IKZF2: variants seen among roughly 807,000 people sequenced by gnomAD.
IKZF2 encodes the protein IKAROS family zinc finger 2.
IKZF2 carries 15 observed loss-of-function variants against 49.2 expected under a neutral mutation model. That is an observed-to-expected ratio of 0.30 (90% CI 0.20 to 0.47). The LOEUF is 0.47. Among genes scored for constraint, IKZF2 ranks in the 20% least tolerant of loss-of-function variants. The probability of loss-of-function intolerance (pLI) is 1.00; values close to 1 mark genes in which losing one functional copy is unlikely to be tolerated. For synonymous variants in IKZF2, 227 were observed against 221.4 expected (o/e 1.03, Z -0.23); for missense variants, 567 against 664.6 (o/e 0.85, Z 1.61).
At chr2:213,077,686 C>G (rs1039525475) in intron 4 of IKZF2, among the ~76,000 whole-genome samples, 6 of 146,060 alleles carry the variant, frequency 4.1e-5, no homozygotes, top group Non-Finnish European at 9.0e-5. Context: ...CTCCCAGGTT[C>G]ACGCCATTCT....
At chr2:213,010,261 C>G (rs1297261238) in intron 8 of IKZF2, among the ~76,000 whole-genome samples, 1 of 152,050 alleles carries the variant, frequency 6.6e-6, no homozygotes, top group African/African-American at 2.4e-5. Flanking sequence ...TAGAAAGCAA[C>G]TTCTGAAGCC....
intron 4 of IKZF2, among the ~76,000 whole-genome samples, chr2:213,079,488 AAAAAG>A (rs1200968571): frequency 2.7e-5 from 4 of 148,996 alleles, no homozygotes; most frequent in Non-Finnish European, 5.9e-5. Context: ...GGAGAGAGAA[AAAAAG>A]AAAGAGAGAG....
chr2:213,010,762 G>A (rs576374505), intron 8 of IKZF2, among the ~76,000 whole-genome samples: 2 of 152,158 alleles, frequency 1.3e-5, no homozygotes, highest in South Asian at 4.1e-4. Flanking sequence ...GGTTCTGCTC[G>A]TGCTGCCAAG....
At chr2:213,098,700 T>G (rs971905695) in intron 4 of IKZF2, among the ~76,000 whole-genome samples, 1 of 152,128 alleles carries the variant, frequency 6.6e-6, no homozygotes, top group African/African-American at 2.4e-5. Context: ...ATCACCGCCT[T>G]AGGTGATGGG....
intron 4 of IKZF2, among the ~76,000 whole-genome samples, chr2:213,068,912 A>AACACACACACACACACACAC (rs3069572): frequency 2.7e-5 from 4 of 147,186 alleles, no homozygotes; most frequent in African/African-American, 5.0e-5. Context: ...GGAGGGAGAA[A>AACACACACACACACACACAC]ACACACACAC....
At chr2:213,019,773 C>G (rs973229032) in intron 7 of IKZF2, among the ~76,000 whole-genome samples, 1 of 152,158 alleles carries the variant, frequency 6.6e-6, no homozygotes, top group Non-Finnish European at 1.5e-5. Flanking sequence ...TCAGCACCAC[C>G]TGTAAAGGGC....
intron 7 of IKZF2, chr2:213,014,596 C>T (rs1011983622): frequency 2.6e-5 from 4 of 152,062 alleles, no homozygotes; most frequent in African/African-American, 4.8e-5. Context: ...TAAATTGGCA[C>T]ATTGGCTCAC....
rs968750289 is a variant in IKZF2 at position 213,001,389 on chromosome 2, G to A, written c.*5971C>T. 2.0e-5 allele frequency: 3 copies of A among 151,748 alleles called. No individual in the cohort carries two copies. Among genetic ancestry groups the A allele is most frequent in the African/African-American group, 7.3e-5 (3 of 41,306 alleles). The allele number at this position is 151,748 out of a possible 1,614,324, so 9.4% of individuals were successfully genotyped here. ...TCTTTCATGATATACATTTTTTGGA[G>A]GAAAGCCAAATCAGAATGTAAAATC... is the stretch of plus-strand genomic sequence containing the variant. On this transcript the variant is annotated 3_prime_UTR_variant, in exon 9 of 9. Coordinates refer to ENST00000434687, the MANE Select transcript of IKZF2 (RefSeq NM_001387220.1).
intron 8 of IKZF2, among the ~76,000 whole-genome samples, 188 bp downstream of exon 8, chr2:213,013,603 G>A (rs1282635526): frequency 1.3e-5 from 2 of 152,020 alleles, no homozygotes; most frequent in East Asian, 3.9e-4. Flanking sequence ...TCTCTCATAT[G>A]TATTTGTGTG....
intron 5 of IKZF2, among the ~76,000 whole-genome samples, chr2:213,051,236 T>C (rs552622044): frequency 7.9e-5 from 12 of 152,166 alleles, no homozygotes; most frequent in Non-Finnish European, 1.8e-4. Context: ...GAAAATTCTA[T>C]CATATAGATT....
chr2:213,151,793 C>CGTGCGCGCGCGTGCGTGT (rs983460846), upstream of IKZF2, among the ~76,000 whole-genome samples: 1 of 147,204 alleles, frequency 6.8e-6, no homozygotes, highest in African/African-American at 2.4e-5. Context: ...AGCGGACGTG[C>CGTGCGCGCGCGTGCGTGT]GTGCGCGCGC....
intron 4 of IKZF2, among the ~76,000 whole-genome samples, chr2:213,111,497 A>C (rs1179109470): frequency 6.6e-6 from 1 of 152,064 alleles, no homozygotes; most frequent in African/African-American, 2.4e-5. Context: ...GTTTATGGAT[A>C]CAAAACATAC....
chr2:213,046,510 A>C (rs1326527209), intron 6 of IKZF2, among the ~76,000 whole-genome samples: 1 of 152,188 alleles, frequency 6.6e-6, no homozygotes, highest in Admixed American at 6.5e-5. Context: ...AGGTCCACTT[A>C]AGGGAGAGGG....
At chr2:213,144,709 T>C (rs1420754224) in intron 4 of IKZF2, among the ~76,000 whole-genome samples, 1 of 151,958 alleles carries the variant, frequency 6.6e-6, no homozygotes, top group East Asian at 1.9e-4. Context: ...AGACTCAATA[T>C]GTACACTAAT....
At chr2:213,071,370 A>T (rs1702684659) in intron 4 of IKZF2, among the ~76,000 whole-genome samples, 1 of 152,152 alleles carries the variant, frequency 6.6e-6, no homozygotes, top group Non-Finnish European at 1.5e-5. Flanking sequence ...ATAAACAGAA[A>T]AATGCAAAGA....
intron 4 of IKZF2, among the ~76,000 whole-genome samples, chr2:213,145,449 T>G (rs2061021812): frequency 6.6e-6 from 1 of 152,008 alleles, no homozygotes; most frequent in Non-Finnish European, 1.5e-5. Flanking sequence ...GTAAAGGGAT[T>G]TAGGAAAACC....
chr2:213,087,021 T>C (rs573735704), intron 4 of IKZF2, among the ~76,000 whole-genome samples: 10 of 152,248 alleles, frequency 6.6e-5, no homozygotes, highest in Admixed American at 6.5e-4. Flanking sequence ...TATTCTCTAA[T>C]ATATATTTAC....
At chr2:213,009,388 T>A (rs1256764384) in intron 8 of IKZF2, among the ~76,000 whole-genome samples, 1 of 152,148 alleles carries the variant, frequency 6.6e-6, no homozygotes, top group Non-Finnish European at 1.5e-5. Flanking sequence ...ATTTACCAGT[T>A]ACTTTCATAG....
rs1271410182 is a variant in IKZF2, at chr2:213,147,724, T to A, written c.123A>T (p.Pro41=). 1.9e-6 allele frequency: 3 copies of A among 1,613,524 alleles called. No homozygotes were observed. In the South Asian group the frequency reaches 3.3e-5, roughly 18 times the overall value. The change falls in exon 4 of 9, where the codon CCA becomes CCT. Residue 41 remains proline (P), a synonymous_variant. Transcript: ENST00000434687. The part of the protein sequence containing the change: ...SSTPNGQHAS[P]SHMTSTNSVK... ...AAGACTTACTGCTTGTCATGTGACT[T>A]GGTGAGGCATGCTGTCCATTGGGTG...
Sources: allele counts gnomAD v4.1 joint callset (sites outside exome capture counted in the v4.1 genomes callset), GRCh38; gene constraint gnomAD v4.1.1; transcripts MANE v1.5; gene names NCBI Gene and HGNC (gene_info 2026-07-23, HGNC 2026-07-21).